NFATC1: variants seen among roughly 807,000 people sequenced by gnomAD.
NFATC1 encodes the protein nuclear factor of activated T-cells, cytoplasmic 1.
Under a neutral mutation model 76.0 loss-of-function variants are expected in NFATC1, and 22 were observed. That is an observed-to-expected ratio of 0.29 (90% CI 0.21 to 0.41). The LOEUF (loss-of-function observed/expected upper bound fraction) is 0.41. Ranked by LOEUF, NFATC1 falls within the 10% of genes least tolerant of loss-of-function variation. The pLI, the probability that NFATC1 is intolerant of heterozygous loss-of-function variation, is 1.00. For synonymous variants in NFATC1, 704 were observed against 613.1 expected (o/e 1.15, Z -2.19); for missense variants, 1,357 against 1,337.7 (o/e 1.01, Z -0.23).
intron 1 of NFATC1, among the ~76,000 whole-genome samples, chr18:79,401,578 G>T (rs2085258512): frequency 1.3e-5 from 2 of 152,222 alleles, no homozygotes; most frequent in South Asian, 4.1e-4. Context: ...CCGCCTTCCA[G>T]AGCTGGTTCC....
chr18:79,402,390 C>T (rs2148142974), intron 1 of NFATC1: 12 of 985,230 alleles, frequency 1.2e-5, no homozygotes, highest in Non-Finnish European at 1.4e-5. Flanking sequence ...GGGTTCAGGA[C>T]ACAGTCCTCC....
chr18:79,408,717 A>ACCATCCATCATCAT (rs1264293011), intron 1 of NFATC1, among the ~76,000 whole-genome samples: 1 of 152,170 alleles, frequency 6.6e-6, no homozygotes, highest in Non-Finnish European at 1.5e-5. Context: ...AAACACATCC[A>ACCATCCATCATCAT]CCATCCATCA....
chr18:79,490,480 C>G (rs2089646784), intron 9 of NFATC1, among the ~76,000 whole-genome samples: 1 of 152,148 alleles, frequency 6.6e-6, no homozygotes, highest in Admixed American at 6.5e-5. Context: ...GGGGTAGTCC[C>G]TGATACAGGC....
At chr18:79,488,414 A>T (rs1180063078) in intron 9 of NFATC1, among the ~76,000 whole-genome samples, 8 of 151,734 alleles carry the variant, frequency 5.3e-5, no homozygotes, top group Admixed American at 5.2e-4. Context: ...TCAGCCCAGG[A>T]GGCTGCTGCC....
At chr18:79,432,428 T>C (rs1282786274) in intron 2 of NFATC1, among the ~76,000 whole-genome samples, 1 of 53,348 alleles carries the variant, frequency 1.9e-5, no homozygotes, top group Non-Finnish European at 3.6e-5. Flanking sequence ...AGGACAGCCG[T>C]TGGGCCCTGG....
chr18:79,487,539 C>T (rs73969681), intron 9 of NFATC1, among the ~76,000 whole-genome samples: 6 of 152,204 alleles, frequency 3.9e-5, no homozygotes, highest in African/African-American at 9.7e-5. Flanking sequence ...TCGCACAGCG[C>T]GGAGATGCAC....
intron 6 of NFATC1, among the ~76,000 whole-genome samples, chr18:79,460,789 G>A (rs1298707117): frequency 1.3e-5 from 2 of 152,116 alleles, no homozygotes; most frequent in South Asian, 2.1e-4. Context: ...CCGGCCCCCC[G>A]TCACTACTCT....
intron 3 of NFATC1, among the ~76,000 whole-genome samples, chr18:79,438,246 C>T (rs2086850294): frequency 6.6e-6 from 1 of 152,264 alleles, no homozygotes; most frequent in South Asian, 2.1e-4. Context: ...AGCCCCCTCG[C>T]CAGATGTGTT....
chr18:79,473,694 ACACT>A (rs540623117), intron 8 of NFATC1, among the ~76,000 whole-genome samples: 24 of 143,296 alleles, frequency 1.7e-4, no homozygotes, highest in East Asian at 4.4e-4. Context: ...GCGTGTTCTC[ACACT>A]CACTGTCGAC....
intron 9 of NFATC1, among the ~76,000 whole-genome samples, chr18:79,489,360 T>C (rs1048206504): frequency 3.9e-5 from 6 of 152,156 alleles, no homozygotes; most frequent in Non-Finnish European, 8.8e-5. Context: ...GCATCTGCCA[T>C]GGGGCTGGGC....
At chr18:79,472,805 G>A (rs887476039) in intron 8 of NFATC1, among the ~76,000 whole-genome samples, 2 of 152,250 alleles carry the variant, frequency 1.3e-5, no homozygotes, top group Non-Finnish European at 2.9e-5. Flanking sequence ...ACAACGTCAG[G>A]TCAGCCCTGG....
At chr18:79,479,958 A>G (rs908799127) in intron 8 of NFATC1, among the ~76,000 whole-genome samples, 9 of 152,194 alleles carry the variant, frequency 5.9e-5, no homozygotes, top group Non-Finnish European at 1.3e-4. Flanking sequence ...GCCAGACTTC[A>G]TGGGCAAGGC....
At position 79,514,420 on chromosome 18, in the gene NFATC1, C is replaced by G. The variant is rs184037739; in HGVS notation, c.2783-13108C>G. On this transcript the variant is annotated intron_variant, in intron 9 of 9. Transcript: ENST00000427363. The stretch of plus-strand genomic sequence containing the variant: ...TGAAATCCCACCTCTACCAAAAATA[C>G]AAAAATTAGCCAGGTGTGTTGGCGC... Among the ~76,000 whole-genome samples the G allele has an allele frequency of 2.8e-3, 426 of 151,472 alleles. 1 individual carries two copies. Among genetic ancestry groups the G allele is most frequent in the African/African-American group, 9.8e-3 (404 of 41,264 alleles).
At chr18:79,507,200 C>G (rs1336168935) in intron 9 of NFATC1, among the ~76,000 whole-genome samples, 1 of 152,266 alleles carries the variant, frequency 6.6e-6, no homozygotes, top group Non-Finnish European at 1.5e-5. Context: ...ATCAGGCCCT[C>G]CCAGCTGCTG....
rs571106366 is a variant in NFATC1 at position 79,434,389 on chromosome 18, G to T, written c.1386+651G>T. ...GTGGAGTTAGGCTGTCGAGGGAGGG[G>T]TGTAATGACCGCGCCAGGGACGGGC... On this transcript the variant is annotated intron_variant, in intron 3 of 9. Coordinates refer to ENST00000427363, the MANE Select transcript of NFATC1 (RefSeq NM_001278669.2). Among the ~76,000 whole-genome samples, 6 of 152,356 alleles carry T rather than the reference G, an allele frequency of 3.9e-5. No homozygotes were observed. The South Asian group carries it at 1.2e-3, about 32-fold the overall frequency.
At chr18:79,424,299 G>A (rs966790604) in intron 2 of NFATC1, among the ~76,000 whole-genome samples, 1 of 152,210 alleles carries the variant, frequency 6.6e-6, no homozygotes, top group Non-Finnish European at 1.5e-5. Flanking sequence ...CCTCTCCTGG[G>A]CGGGCAAAAC....
chr18:79,527,602 A>G lies in NFATC1; in HGVS notation c.*25A>G. The G allele has an allele frequency of 6.2e-7, 1 of 1,610,144 alleles. No homozygotes were observed. Among genetic ancestry groups the G allele is most frequent in the South Asian group, 1.1e-5 (1 of 90,992 alleles). ...GTTGCCACATTGGAGCACTCAGTTC[A>G]GCAGGGGTATGCTGACTTCAGCAGA... On this transcript the variant is annotated 3_prime_UTR_variant, in exon 10 of 10. Transcript: ENST00000427363.
intron 3 of NFATC1, among the ~76,000 whole-genome samples, chr18:79,438,766 C>A (rs986606955): frequency 6.6e-6 from 1 of 152,108 alleles, no homozygotes; most frequent in Non-Finnish European, 1.5e-5. Flanking sequence ...GCCAGACTGG[C>A]CCCAGGGAGG....
In NFATC1 at chr18:79,400,278, A is replaced by G. The variant is rs925745751; in HGVS notation, c.127+3927A>G. 138 of 919,430 alleles carry G rather than the reference A, an allele frequency of 1.5e-4. No individual in the cohort carries two copies. The East Asian group carries it at 2.2e-3, about 15-fold the overall frequency. The allele number at this position is 919,430 out of a possible 1,614,324, so 57.0% of individuals were successfully genotyped here. ...CCCGGGGGGCGGGGGCGGGGCGGGG[A>G]CGGGGGGAGGGGCGGGGGTCACGTT... is the stretch of plus-strand genomic sequence containing the variant. On this transcript the variant is annotated intron_variant, in intron 1 of 9. Transcript: ENST00000427363.
Sources: gnomAD v4.1 joint callset for allele counts (sites outside exome capture counted in the v4.1 genomes callset) on GRCh38, gnomAD v4.1.1 for gene constraint, MANE v1.5 for transcripts, NCBI Gene and HGNC (gene_info 2026-07-23, HGNC 2026-07-21) for gene names.